Variants in LIN28B observed in about 807,000 individuals in gnomAD.
The protein encoded by LIN28B is lin-28 RNA binding posttranscriptional regulator B.
Under a neutral mutation model 21.9 loss-of-function variants are expected in LIN28B, and 5 were observed. That is an observed-to-expected ratio of 0.23 (90% CI 0.12 to 0.48). LIN28B has a LOEUF of 0.48. Among genes scored for constraint, LIN28B ranks in the 20% least tolerant of loss-of-function variants. The pLI, the probability that LIN28B is intolerant of heterozygous loss-of-function variation, is 0.98. For missense variants in LIN28B, 245 were observed against 310.5 expected (o/e 0.79, Z 1.58); for synonymous variants, 109 against 111.3 (o/e 0.98, Z 0.13).
At chr6:105,067,678 T>C (rs1437827006) in intron 3 of LIN28B, among the ~76,000 whole-genome samples, 1 of 152,230 alleles carries the variant, frequency 6.6e-6, no homozygotes, top group Non-Finnish European at 1.5e-5. Flanking sequence ...TTTAAACTTA[T>C]GACCTAGAAT....
rs1366357021 is a variant in LIN28B at position 105,022,935 on chromosome 6, G to GAGATA, written c.199-3362_199-3358dup. On this transcript the variant is annotated intron_variant, in intron 2 of 3. Transcript: ENST00000345080. Reference sequence around the variant, plus strand: ...AGTGGATGGGGCAGATGAGAGAGGAGAGATAGTAAGCAAAAATAAACAAGA... The same window carrying GAGATA: ...AGTGGATGGGGCAGATGAGAGAGGAGAGATAAGATAGTAAGCAAAAATAAACAAGA... Among the ~76,000 whole-genome samples the GAGATA allele has an allele frequency of 3.3e-5, 5 of 151,866 alleles. No homozygotes were observed. In the East Asian group the frequency reaches 9.7e-4, roughly 29 times the overall value.
chr6:105,046,606 T>C (rs576652903), intron 3 of LIN28B, among the ~76,000 whole-genome samples: 5 of 152,252 alleles, frequency 3.3e-5, no homozygotes, highest in African/African-American at 9.6e-5. Context: ...ACTTCCACAA[T>C]GGTTGAACTA....
chr6:105,076,708 A>AG (rs1291766815), intron 3 of LIN28B, among the ~76,000 whole-genome samples: 2 of 151,870 alleles, frequency 1.3e-5, no homozygotes, highest in African/African-American at 4.8e-5. Flanking sequence ...CCCAGGTTCA[A>AG]GCAGTTCTGC....
intron 2 of LIN28B, chr6:104,940,088 T>G (rs1431247929): frequency 6.2e-6 from 1 of 161,944 alleles, no homozygotes; most frequent in Non-Finnish European, 1.5e-5. Flanking sequence ...TCTTATTGTT[T>G]AGGAAAAGAA....
chr6:104,941,735 T>G (rs559415332), intron 2 of LIN28B, among the ~76,000 whole-genome samples: 1 of 152,282 alleles, frequency 6.6e-6, no homozygotes, highest in South Asian at 2.1e-4. Flanking sequence ...GCACTTGGAT[T>G]TAGGTTGTTT....
intron 2 of LIN28B, among the ~76,000 whole-genome samples, chr6:104,943,605 GT>G: frequency 6.6e-6 from 1 of 152,066 alleles, no homozygotes. Flanking sequence ...TGAAAGTGGC[GT>G]TACAAATTTT....
intron 2 of LIN28B, among the ~76,000 whole-genome samples, chr6:105,000,653 TAAA>T (rs1770701599): frequency 6.6e-6 from 1 of 151,546 alleles, no homozygotes; most frequent in Non-Finnish European, 1.5e-5. Context: ...ATTTAAATAA[TAAA>T]GAATAAAAAT....
upstream of LIN28B, among the ~76,000 whole-genome samples, chr6:104,953,385 G>T (rs149537818): frequency 4.3e-4 from 66 of 152,260 alleles, no homozygotes; most frequent in Non-Finnish European, 8.4e-4. Flanking sequence ...AGCTTTAGGA[G>T]ATTCTGGCAT....
Position 105,078,495 on chromosome 6 carries a change from G to C in LIN28B, c.465G>C (p.Gln155His), listed in dbSNP as rs1206543886. The change falls in exon 4 of 4, where the codon CAG becomes CAC. Residue 155 changes from glutamine to histidine, a missense_variant. Physicochemically the swap from Gln to His is conservative, Grantham distance 24. Coordinates refer to ENST00000345080, the MANE Select transcript of LIN28B (RefSeq NM_001004317.4). Reference protein sequence around the residue: ...PPQPKKCHYCQSIMHMVANCP... With the variant: ...PPQPKKCHYCHSIMHMVANCP... ...AGCCAAAGAAGTGCCATTACTGTCA[G>C]AGCATCATGCACATGGTGGCAAACT... 2 of 1,614,112 alleles carry C rather than the reference G, an allele frequency of 1.2e-6. No homozygotes were observed. The highest frequency in any genetic ancestry group is 2.7e-5 in the African/African-American group (2 of 75,032).
chr6:105,024,519 C>T (rs1771246781), intron 2 of LIN28B, among the ~76,000 whole-genome samples: 2 of 152,040 alleles, frequency 1.3e-5, no homozygotes, highest in African/African-American at 4.8e-5. Context: ...TGAGAAGATG[C>T]TTTAGAAATG....
chr6:105,027,701 A>G (rs1771316790), intron 3 of LIN28B, among the ~76,000 whole-genome samples: 1 of 152,074 alleles, frequency 6.6e-6, no homozygotes. Flanking sequence ...CCAAACTACA[A>G]AATTAAAAAT....
chr6:104,995,385 C>G (rs1770577187), intron 2 of LIN28B, among the ~76,000 whole-genome samples: 1 of 152,100 alleles, frequency 6.6e-6, no homozygotes, highest in Non-Finnish European at 1.5e-5. Flanking sequence ...ATCGGAGAGA[C>G]AGAAGCATGA....
intron 3 of LIN28B, among the ~76,000 whole-genome samples, chr6:105,075,981 T>C (rs984634157): frequency 6.6e-6 from 1 of 152,242 alleles, no homozygotes; most frequent in Non-Finnish European, 1.5e-5. Context: ...AATTCACTTA[T>C]CTATTGTAGA....
intron 2 of LIN28B, among the ~76,000 whole-genome samples, chr6:104,943,637 T>C (rs1778123487): frequency 6.6e-6 from 1 of 152,206 alleles, no homozygotes. Context: ...AAGCGTTTTC[T>C]TATTAGGTAT....
intron 2 of LIN28B, among the ~76,000 whole-genome samples, chr6:104,971,804 CT>C (rs2114591136): frequency 6.6e-6 from 1 of 152,076 alleles, no homozygotes; most frequent in South Asian, 2.1e-4. Flanking sequence ...TTAAATTTTG[CT>C]TTTTGGAAAG....
At chr6:104,941,721 G>A (rs937470350) in intron 2 of LIN28B, among the ~76,000 whole-genome samples, 7 of 152,334 alleles carry the variant, frequency 4.6e-5, no homozygotes, top group Admixed American at 6.5e-5. Context: ...GAACGGGGAA[G>A]AACGCACTTG....
At chr6:105,030,681 C>T (rs1043838396) in intron 3 of LIN28B, among the ~76,000 whole-genome samples, 1 of 148,402 alleles carries the variant, frequency 6.7e-6, no homozygotes, top group Non-Finnish European at 1.5e-5. Context: ...ATTGCAACCA[C>T]TGCCTCCTGG....
intron 3 of LIN28B, among the ~76,000 whole-genome samples, chr6:105,029,458 A>T (rs114445150): frequency 2.8e-4 from 42 of 152,278 alleles, no homozygotes; most frequent in African/African-American, 9.1e-4. Context: ...GGCGTAGCTT[A>T]TGGGCACAGA....
intron 2 of LIN28B, among the ~76,000 whole-genome samples, chr6:105,007,561 G>A (rs1190116183): frequency 1.3e-5 from 2 of 148,604 alleles, no homozygotes; most frequent in Admixed American, 1.4e-4. Flanking sequence ...GTCTCGCTCT[G>A]TTGCCCAGGC....
Sources: allele counts gnomAD v4.1 joint callset (sites outside exome capture counted in the v4.1 genomes callset), GRCh38; gene constraint gnomAD v4.1.1; transcripts MANE v1.5; gene names NCBI Gene and HGNC (gene_info 2026-07-23, HGNC 2026-07-21).